The following EEPD1 variants were observed in gnomAD, a reference collection of about 807,000 sequenced individuals.
EEPD1 encodes the protein endonuclease/exonuclease/phosphatase family domain containing 1.
A neutral mutation model predicts 46.3 loss-of-function variants in EEPD1; 17 were observed. The ratio of observed to expected loss-of-function variants is 0.37; its 90% CI spans 0.25 to 0.55. The LOEUF is 0.55. Among genes scored for constraint, EEPD1 ranks in the 20% least tolerant of loss-of-function variants. EEPD1 has a pLI of 0.83. For synonymous variants in EEPD1, 313 were observed against 315.6 expected, an observed-to-expected ratio of 0.99 and a Z score of 0.09; for missense variants, 673 against 745.6, an observed-to-expected ratio of 0.90 and a Z score of 1.13.
At chr7:36,209,939 G>T (rs1271367702) in intron 2 of EEPD1, among the ~76,000 whole-genome samples, 1 of 152,124 alleles carries the variant, frequency 6.6e-6, no homozygotes, top group Non-Finnish European at 1.5e-5. Flanking sequence ...CCTCGTGCTG[G>T]TTGGCTGTGG....
At chr7:36,230,414 GGCCA>G (rs1291057642) in intron 2 of EEPD1, among the ~76,000 whole-genome samples, 1 of 152,080 alleles carries the variant, frequency 6.6e-6, no homozygotes, top group Non-Finnish European at 1.5e-5. Context: ...CTCTGAGCAG[GGCCA>G]GCCCCACCTG....
chr7:36,155,132 G>A lies in EEPD1; in HGVS notation c.808G>A (p.Gly270Ser). 1 of 1,541,656 alleles carries A rather than the reference G, an allele frequency of 6.5e-7. No homozygotes were observed. The highest frequency in any genetic ancestry group is 8.7e-7 in the Non-Finnish European group (1 of 1,146,384). The change falls in exon 2 of 8, where the codon GGC becomes AGC. Residue 270 changes from glycine to serine, a missense_variant. By Grantham distance (56) the Gly-to-Ser change is moderately conservative. Coordinates refer to ENST00000242108, the MANE Select transcript of EEPD1 (RefSeq NM_030636.3). ...GAGGCTGGCCACCTGGAACTTGCAG[G>A]GCTGTTCCGTGGAGAAGGCCAACAA... ...VLRLATWNLQGCSVEKANNPG... is the reference protein window; with the variant it reads ...VLRLATWNLQSCSVEKANNPG...
intron 2 of EEPD1, among the ~76,000 whole-genome samples, chr7:36,215,514 T>C (rs1465297465): frequency 1.3e-5 from 2 of 152,204 alleles, no homozygotes; most frequent in African/African-American, 4.8e-5. Flanking sequence ...GGAAGCTGAT[T>C]CCAGAAACCA....
At chr7:36,233,527 A>C (rs987347766) in intron 2 of EEPD1, among the ~76,000 whole-genome samples, 1 of 152,264 alleles carries the variant, frequency 6.6e-6, no homozygotes, top group Non-Finnish European at 1.5e-5. Context: ...AGAATGTCTC[A>C]GCCCCCAGCC....
chr7:36,296,694 CTTTTTTTTTT>C (rs60706978), intron 6 of EEPD1, among the ~76,000 whole-genome samples: 5 of 83,154 alleles, frequency 6.0e-5, no homozygotes, highest in Non-Finnish European at 6.7e-5. Context: ...ACCCTTAGGT[CTTTTTTTTTT>C]TTTTTTTTTT....
Position 36,299,964 on chromosome 7 carries a change from T to G in EEPD1, c.*758T>G, listed in dbSNP as rs1429261128. On this transcript the variant is annotated 3_prime_UTR_variant, in exon 8 of 8. Coordinates refer to ENST00000242108, the MANE Select transcript of EEPD1 (RefSeq NM_030636.3). ...ACCTCTGTGAAGCCTCTCTGTCATC[T>G]CCCCTTCCCAGCCCCTCCTTCATCC... is the stretch of plus-strand genomic sequence containing the variant. 1 of 152,392 alleles carries G rather than the reference T, an allele frequency of 6.6e-6. No individual in the cohort carries two copies. The highest frequency in any genetic ancestry group is 6.6e-5 in the Admixed American group (1 of 15,262). The allele number at this position is 152,392 out of a possible 1,614,324, so 9.4% of individuals were successfully genotyped here. A position where few individuals can be genotyped will look rare whatever the true frequency, so the allele number is the denominator to read the frequency against.
At chr7:36,214,814 G>A (rs949686290) in intron 2 of EEPD1, among the ~76,000 whole-genome samples, 2 of 152,220 alleles carry the variant, frequency 1.3e-5, no homozygotes, top group African/African-American at 4.8e-5. Flanking sequence ...CGCCTTCTTG[G>A]AAGTGCTTTT....
intron 4 of EEPD1, among the ~76,000 whole-genome samples, chr7:36,283,649 G>T (rs1454662354): frequency 6.6e-6 from 1 of 152,168 alleles, no homozygotes; most frequent in Non-Finnish European, 1.5e-5. Flanking sequence ...CACTCTCCAG[G>T]GGGTGGGCAA....
intron 2 of EEPD1, among the ~76,000 whole-genome samples, chr7:36,183,321 C>T (rs1373558738): frequency 6.6e-6 from 1 of 152,206 alleles, no homozygotes; most frequent in African/African-American, 2.4e-5. Flanking sequence ...AGGACCCGGT[C>T]AGTCTGAGCA....
intron 2 of EEPD1, among the ~76,000 whole-genome samples, chr7:36,157,935 A>G (rs1784849992): frequency 6.6e-6 from 1 of 152,162 alleles, no homozygotes; most frequent in African/African-American, 2.4e-5. Context: ...AGTAAGAGGA[A>G]ATACATTTAG....
intron 2 of EEPD1, among the ~76,000 whole-genome samples, chr7:36,206,251 G>C (rs904231556): frequency 1.3e-5 from 2 of 152,106 alleles, no homozygotes; most frequent in Admixed American, 6.5e-5. Context: ...TCAGTGGACT[G>C]TCAGCCATGG....
At position 36,281,062 on chromosome 7, in the gene EEPD1, G is replaced by A. The variant is rs189278270; in HGVS notation, c.931-53G>A. The stretch of plus-strand genomic sequence containing the variant: ...CTGGCTTCTCAGGCCGCCGCCAGCC[G>A]GGACTGCTTTAGGCGCGAACCCACG... On this transcript the variant is annotated intron_variant, in intron 3 of 7. Transcript: ENST00000242108. The A allele has an allele frequency of 4.1e-3, 6,271 of 1,535,902 alleles. 22 individuals are homozygous for A. The highest frequency in any genetic ancestry group is 5.0e-3 in the Non-Finnish European group (5,591 of 1,114,602).
chr7:36,155,285 T>A, intron 2 of EEPD1, 83 bp downstream of exon 2: 1 of 1,421,988 alleles, frequency 7.0e-7, no homozygotes, highest in Non-Finnish European at 9.3e-7. Flanking sequence ...GAATGGATTC[T>A]TTTGCGGGTA....
At chr7:36,192,009 G>A (rs1475398922) in intron 2 of EEPD1, among the ~76,000 whole-genome samples, 1 of 152,076 alleles carries the variant, frequency 6.6e-6, no homozygotes, top group Non-Finnish European at 1.5e-5. Context: ...GAGTCTTTAC[G>A]AGACTCTTTC....
intron 2 of EEPD1, among the ~76,000 whole-genome samples, chr7:36,202,100 A>G (rs1173486246): frequency 6.6e-6 from 1 of 152,148 alleles, no homozygotes; most frequent in Non-Finnish European, 1.5e-5. Flanking sequence ...TCTCCACTCG[A>G]GGACTTGTCA....
chr7:36,242,380 A>T (rs1179210446), intron 3 of EEPD1, among the ~76,000 whole-genome samples: 2 of 152,018 alleles, frequency 1.3e-5, no homozygotes, highest in Non-Finnish European at 2.9e-5. Context: ...GCTTTACAAG[A>T]TGGTCTGCAT....
chr7:36,227,700 T>C (rs890300458), intron 2 of EEPD1, among the ~76,000 whole-genome samples: 3 of 152,022 alleles, frequency 2.0e-5, no homozygotes, highest in African/African-American at 7.2e-5. Context: ...TTTTGTTTTT[T>C]GTTTCGAGAC....
intron 3 of EEPD1, among the ~76,000 whole-genome samples, chr7:36,271,798 CCTATTCTATTCTATT>C (rs60205065): frequency 0.045 from 5,985 of 132,374 alleles, 285 homozygotes; most frequent in South Asian, 0.071. Context: ...ACATAAGCCT[CCTATTCTATTCTATT>C]CTATTCTATT....
At chr7:36,274,096 C>A (rs1407731558) in intron 3 of EEPD1, among the ~76,000 whole-genome samples, 2 of 152,258 alleles carry the variant, frequency 1.3e-5, no homozygotes, top group Admixed American at 6.5e-5. Flanking sequence ...GGGATGCATA[C>A]CTGCGTTTGC....
Sources: allele counts gnomAD v4.1 joint callset (sites outside exome capture counted in the v4.1 genomes callset), GRCh38; gene constraint gnomAD v4.1.1; transcripts MANE v1.5; gene names NCBI Gene and HGNC (gene_info 2026-07-23, HGNC 2026-07-21).